COLEC11: variants seen among roughly 807,000 people sequenced by gnomAD.
COLEC11 encodes collectin-11.
In COLEC11, 20 loss-of-function variants were observed where a neutral mutation model predicts 27.3. That is an observed-to-expected ratio of 0.73 (90% CI 0.51 to 1.06). COLEC11 has a LOEUF of 1.06. Among genes scored for constraint, COLEC11 ranks in the 50% least tolerant of loss-of-function variants. COLEC11 has a pLI of 0.00. For synonymous variants in COLEC11, 163 were observed against 154.7 expected (o/e 1.05, Z -0.40); for missense variants, 310 against 383.0 (o/e 0.81, Z 1.59).
chr2:3,636,213 T>C (rs560870911), intron 3 of COLEC11, among the ~76,000 whole-genome samples: 3 of 152,220 alleles, frequency 2.0e-5, no homozygotes, highest in African/African-American at 7.2e-5. Context: ...TCCCAGCACT[T>C]TGGGAGGCCG....
At chr2:3,624,886 T>C (rs577409168) in intron 3 of COLEC11, among the ~76,000 whole-genome samples, 4 of 152,296 alleles carry the variant, frequency 2.6e-5, no homozygotes, top group South Asian at 2.1e-4. Context: ...CTAATTAGAT[T>C]ATACATTCCT....
At position 3,644,042 on chromosome 2, in the gene COLEC11, C is replaced by T. The variant is rs1047585093; in HGVS notation, c.740C>T (p.Ala247Val). 1.2e-6 allele frequency: 2 copies of T among 1,613,788 alleles called. No individual in the cohort carries two copies. Among genetic ancestry groups the T allele is most frequent in the Admixed American group, 1.7e-5 (1 of 60,036 alleles). Residue 247 changes from alanine (A) to valine (V), a missense_variant, in exon 7 of 7, where the codon GCC becomes GTC. By Grantham distance (64) the Ala-to-Val change is moderately conservative. Coordinates refer to ENST00000349077, the MANE Select transcript of COLEC11 (RefSeq NM_024027.5). ...YDEEDCVEMV[A>V]SGGWNDVACH... Reference sequence around the variant, plus strand: ...GAGGAGGACTGCGTGGAGATGGTGGCCTCGGGCGGCTGGAACGACGTGGCC... The same window carrying T: ...GAGGAGGACTGCGTGGAGATGGTGGTCTCGGGCGGCTGGAACGACGTGGCC...
intron 3 of COLEC11, among the ~76,000 whole-genome samples, chr2:3,632,089 CTGTG>C (rs1665054088): frequency 6.6e-6 from 1 of 152,234 alleles, no homozygotes; most frequent in African/African-American, 2.4e-5. Context: ...CTGATGCTCG[CTGTG>C]ACCCGAGGCA....
intron 1 of COLEC11, among the ~76,000 whole-genome samples, chr2:3,595,558 C>T (rs957659590): frequency 6.6e-6 from 1 of 152,182 alleles, no homozygotes; most frequent in Non-Finnish European, 1.5e-5. Flanking sequence ...GCCTGAGCAG[C>T]GTCTGACGGG....
intron 2 of COLEC11, chr2:3,606,147 T>G: frequency 1.3e-6 from 2 of 1,550,562 alleles, no homozygotes; most frequent in Non-Finnish European, 1.7e-6. Flanking sequence ...AAACGGTGGC[T>G]GTGGAGAGCT....
At position 3,604,379 on chromosome 2, in the gene COLEC11, C is replaced by A; in HGVS notation, c.39C>A (p.Ser13Arg). ...GNLALVGVLI[S>R]LAFLSLLPSG... ...TGGCCCTGGTGGGCGTTCTAATCAG[C>A]CTGGCCTTCCTGTCACTGCTGCCAT... The change falls in exon 2 of 7, where the codon AGC (serine) becomes AGA (arginine). Residue 13 changes from serine to arginine, a missense_variant. Ser to Arg is a moderately radical substitution (Grantham distance 110). Transcript: ENST00000349077. 6.2e-7 allele frequency: 1 copy of A among 1,614,262 alleles called. No individual in the cohort carries two copies. The highest frequency in any genetic ancestry group is 8.5e-7 in the Non-Finnish European group (1 of 1,180,042).
At chr2:3,627,279 G>A (rs1240725802) in intron 3 of COLEC11, among the ~76,000 whole-genome samples, 1 of 147,022 alleles carries the variant, frequency 6.8e-6, no homozygotes, top group Non-Finnish European at 1.5e-5. Flanking sequence ...TCACGATGCT[G>A]TGCATGACGA....
At chr2:3,601,634 T>C (rs1662231543) in intron 1 of COLEC11, among the ~76,000 whole-genome samples, 2 of 152,174 alleles carry the variant, frequency 1.3e-5, no homozygotes, top group Admixed American at 1.3e-4. Context: ...TTCTTGGACA[T>C]CCGGGATGAG....
At chr2:3,598,624 A>G (rs930292379) in intron 1 of COLEC11, among the ~76,000 whole-genome samples, 2 of 151,960 alleles carry the variant, frequency 1.3e-5, no homozygotes, top group African/African-American at 4.8e-5. Context: ...GGTTGCCCTT[A>G]TTGTTCTAAT....
intron 2 of COLEC11, among the ~76,000 whole-genome samples, chr2:3,610,977 G>A (rs13017366): frequency 0.67 from 101,246 of 151,712 alleles, 34,843 homozygotes; most frequent in South Asian, 0.88. Context: ...GTTCTGTGAT[G>A]TTGCTCTGAC....
At chr2:3,636,226 G>T (rs1307208504) in intron 3 of COLEC11, among the ~76,000 whole-genome samples, 1 of 152,226 alleles carries the variant, frequency 6.6e-6, no homozygotes, top group Non-Finnish European at 1.5e-5. Flanking sequence ...GGAGGCCGAG[G>T]TGGATGGATC....
At chr2:3,625,884 T>G in intron 3 of COLEC11, 1 of 807,354 alleles carries the variant, frequency 1.2e-6, no homozygotes, top group Non-Finnish European at 2.1e-6. Context: ...CCGCCTACCT[T>G]GGCCTCCCAA....
intron 2 of COLEC11, among the ~76,000 whole-genome samples, chr2:3,611,205 A>G (rs1486882423): frequency 2.0e-5 from 3 of 152,164 alleles, no homozygotes; most frequent in African/African-American, 7.2e-5. Context: ...CAAAACAAAC[A>G]AACAAAGCCT....
intron 3 of COLEC11, among the ~76,000 whole-genome samples, chr2:3,617,924 T>G (rs143380282): frequency 4.5e-4 from 68 of 152,372 alleles, no homozygotes; most frequent in African/African-American, 1.6e-3. Context: ...GGCTTTAGTT[T>G]CTATTTTCTT....
chr2:3,636,627 G>C (rs916310480), intron 3 of COLEC11, among the ~76,000 whole-genome samples: 1 of 152,224 alleles, frequency 6.6e-6, no homozygotes, highest in Non-Finnish European at 1.5e-5. Context: ...CAGGTTGCCT[G>C]TTTCTTTTCC....
chr2:3,606,909 A>G (rs963451497), intron 2 of COLEC11, among the ~76,000 whole-genome samples: 2 of 152,202 alleles, frequency 1.3e-5, no homozygotes, highest in African/African-American at 4.8e-5. Context: ...TTCTAAGGAA[A>G]CAGACACACA....
chr2:3,611,399 A>G (rs899310013), intron 2 of COLEC11, among the ~76,000 whole-genome samples: 4 of 152,308 alleles, frequency 2.6e-5, no homozygotes, highest in African/African-American at 9.6e-5. Flanking sequence ...CCATGTTATG[A>G]GGACCTCCAT....
intron 2 of COLEC11, among the ~76,000 whole-genome samples, chr2:3,609,956 A>C (rs1309171164): frequency 6.6e-6 from 1 of 152,278 alleles, no homozygotes; most frequent in Non-Finnish European, 1.5e-5. Context: ...GAGCCACTGC[A>C]CCTGGCCAAC....
At chr2:3,597,812 C>T (rs1661957811) in intron 1 of COLEC11, among the ~76,000 whole-genome samples, 2 of 152,194 alleles carry the variant, frequency 1.3e-5, no homozygotes, top group Non-Finnish European at 2.9e-5. Flanking sequence ...CAAAATACTG[C>T]TGCTGAGGCA....
Sources: allele counts gnomAD v4.1 joint callset (sites outside exome capture counted in the v4.1 genomes callset), GRCh38; gene constraint gnomAD v4.1.1; transcripts MANE v1.5; gene names NCBI Gene and HGNC (gene_info 2026-07-23, HGNC 2026-07-21).